Variants in ANGPT1 observed in about 807,000 individuals in gnomAD.
ANGPT1 encodes the protein angiopoietin-1.
A neutral mutation model predicts 62.2 loss-of-function variants in ANGPT1; 17 were observed. The observed-to-expected ratio is 0.27, with a 90% CI of 0.19 to 0.41. ANGPT1 has a LOEUF of 0.41. Among genes scored for constraint, ANGPT1 ranks in the 10% least tolerant of loss-of-function variants. ANGPT1 has a pLI of 1.00. For synonymous variants in ANGPT1, 199 were observed against 198.9 expected (o/e 1.00, Z 0.00); for missense variants, 478 against 594.9 (o/e 0.80, Z 2.04).
intron 1 of ANGPT1, among the ~76,000 whole-genome samples, chr8:107,383,837 C>A (rs974761646): frequency 6.6e-6 from 1 of 152,060 alleles, no homozygotes; most frequent in African/African-American, 2.4e-5. Flanking sequence ...AGTTGGAAAG[C>A]TTTTCAGGAG....
intron 1 of ANGPT1, among the ~76,000 whole-genome samples, chr8:107,349,122 T>TAGATAGA: frequency 6.9e-6 from 1 of 143,908 alleles, no homozygotes; most frequent in South Asian, 2.3e-4. Context: ...GATAAGGAGA[T>TAGATAGA]TAGATAGATA....
intron 1 of ANGPT1, among the ~76,000 whole-genome samples, chr8:107,480,045 C>A (rs898717517): frequency 1.3e-5 from 2 of 152,102 alleles, no homozygotes; most frequent in African/African-American, 4.8e-5. Context: ...TGTCATAAGT[C>A]TTACTGGAAT....
intron 3 of ANGPT1, among the ~76,000 whole-genome samples, chr8:107,330,182 T>C (rs1815387285): frequency 6.6e-6 from 1 of 152,208 alleles, no homozygotes; most frequent in Non-Finnish European, 1.5e-5. Flanking sequence ...GCTGCTCATG[T>C]CAGGCACTGT....
chr8:107,284,035 C>A (rs1814079081), intron 7 of ANGPT1: 1 of 152,114 alleles, frequency 6.6e-6, no homozygotes, highest in African/African-American at 2.4e-5. Flanking sequence ...TTATTTTTCC[C>A]TAGTAGACGA....
intron 4 of ANGPT1, among the ~76,000 whole-genome samples, chr8:107,320,176 C>G (rs1815117261): frequency 6.6e-6 from 1 of 152,106 alleles, no homozygotes; most frequent in African/African-American, 2.4e-5. Context: ...AAAAATGTTT[C>G]TTAAATTGAA....
chr8:107,412,910 G>T (rs1189735255), intron 1 of ANGPT1, among the ~76,000 whole-genome samples: 1 of 152,066 alleles, frequency 6.6e-6, no homozygotes, highest in Admixed American at 6.6e-5. Flanking sequence ...TAAACAAATG[G>T]ATACTAAAAT....
At chr8:107,327,864 G>A (rs1378001196) in intron 3 of ANGPT1, among the ~76,000 whole-genome samples, 2 of 152,216 alleles carry the variant, frequency 1.3e-5, no homozygotes, top group African/African-American at 2.4e-5. Context: ...TTCTAAATGA[G>A]TGTACAGCAA....
chr8:107,368,012 T>C (rs2514860), intron 1 of ANGPT1, among the ~76,000 whole-genome samples: 72,116 of 152,022 alleles, frequency 0.47, 17,236 homozygotes, highest in East Asian at 0.53. Context: ...ATGTTCTTAC[T>C]GGCTTCTAGA....
chr8:107,497,851 C>T lies in ANGPT1; in HGVS notation c.-293G>A, dbSNP rs945890705. 9 of 523,976 alleles carry T rather than the reference C, an allele frequency of 1.7e-5. No homozygotes were observed. The highest frequency in any genetic ancestry group is 3.0e-5 in the Non-Finnish European group (9 of 300,376). The allele number at this position is 523,976 out of a possible 1,614,324, so 32.5% of individuals were successfully genotyped here. A position where few individuals can be genotyped will look rare whatever the true frequency, so the allele number is the denominator to read the frequency against. Reference sequence around the variant, plus strand: ...CTCTGTGTGACCGTTCAGCATGGAGCCTGCCTGAGTCAGCTGCGTGTACAT... The same window carrying T: ...CTCTGTGTGACCGTTCAGCATGGAGTCTGCCTGAGTCAGCTGCGTGTACAT... On this transcript the variant is annotated 5_prime_UTR_variant, in exon 1 of 9. Coordinates refer to ENST00000517746, the MANE Select transcript of ANGPT1 (RefSeq NM_001146.5).
chr8:107,265,372 G>T (rs1486527505), intron 7 of ANGPT1, among the ~76,000 whole-genome samples: 1 of 152,188 alleles, frequency 6.6e-6, no homozygotes, highest in African/African-American at 2.4e-5. Context: ...GTAGTGACCT[G>T]TCTGATGTCT....
chr8:107,442,686 T>C (rs192180079), intron 1 of ANGPT1, among the ~76,000 whole-genome samples: 244 of 152,294 alleles, frequency 1.6e-3, no homozygotes, highest in African/African-American at 5.6e-3. Flanking sequence ...CCCTCAAATA[T>C]AGTAGTTTTG....
At chr8:107,398,645 G>A (rs1384312941) in intron 1 of ANGPT1, among the ~76,000 whole-genome samples, 1 of 151,852 alleles carries the variant, frequency 6.6e-6, no homozygotes, top group Non-Finnish European at 1.5e-5. Flanking sequence ...AACTGTTCTG[G>A]ACAGAGTGGT....
intron 1 of ANGPT1, among the ~76,000 whole-genome samples, chr8:107,420,122 T>C (rs755966457): frequency 2.0e-5 from 3 of 152,184 alleles, no homozygotes; most frequent in Non-Finnish European, 2.9e-5. Context: ...TCATTGATAA[T>C]TGCCTATGAC....
chr8:107,481,257 A>C (rs1453554551), intron 1 of ANGPT1, among the ~76,000 whole-genome samples: 1 of 152,158 alleles, frequency 6.6e-6, no homozygotes, highest in Non-Finnish European at 1.5e-5. Flanking sequence ...AAAAGGGGCC[A>C]GGTGAGGTGG....
intron 7 of ANGPT1, chr8:107,284,471 T>C (rs986919889): frequency 3.0e-6 from 1 of 335,268 alleles, no homozygotes; most frequent in African/African-American, 2.1e-5. Flanking sequence ...TAAGCCAATA[T>C]CAAAGATAGT....
intron 1 of ANGPT1, among the ~76,000 whole-genome samples, chr8:107,357,072 T>C (rs1328169607): frequency 6.6e-6 from 1 of 152,222 alleles, no homozygotes; most frequent in Non-Finnish European, 1.5e-5. Context: ...ATTCATGCTT[T>C]GTAGTTATGT....
chr8:107,474,120 C>A (rs553098455), intron 1 of ANGPT1, among the ~76,000 whole-genome samples: 6 of 152,042 alleles, frequency 3.9e-5, no homozygotes, highest in African/African-American at 1.5e-4. Context: ...CAAAGCCTGA[C>A]AGAGACACAA....
intron 2 of ANGPT1, among the ~76,000 whole-genome samples, chr8:107,342,332 G>A (rs1484687011): frequency 6.6e-6 from 1 of 152,334 alleles, no homozygotes; most frequent in East Asian, 1.9e-4. Flanking sequence ...CACCAGTCCT[G>A]TTCTAAATCC....
At chr8:107,414,475 TAAAAG>T (rs1444061888) in intron 1 of ANGPT1, among the ~76,000 whole-genome samples, 1 of 152,168 alleles carries the variant, frequency 6.6e-6, no homozygotes, top group Non-Finnish European at 1.5e-5. Context: ...TTTTTCAGTT[TAAAAG>T]AAAAGAATTT....
Sources: allele counts gnomAD v4.1 joint callset (sites outside exome capture counted in the v4.1 genomes callset), GRCh38; gene constraint gnomAD v4.1.1; transcripts MANE v1.5; gene names NCBI Gene and HGNC (gene_info 2026-07-23, HGNC 2026-07-21).